CACNA2D3: variants seen among roughly 807,000 people sequenced by gnomAD.
CACNA2D3 encodes the protein calcium voltage-gated channel auxiliary subunit alpha2delta 3, also known as voltage-dependent calcium channel subunit alpha-2/delta-3.
Under a neutral mutation model 160.6 loss-of-function variants are expected in CACNA2D3, and 60 were observed. The ratio of observed to expected loss-of-function variants is 0.37; its 90% CI spans 0.30 to 0.46. CACNA2D3 has a LOEUF of 0.46. CACNA2D3 is among the 20% of genes least tolerant of loss of function. The probability of loss-of-function intolerance (pLI) is 1.00; values close to 1 mark genes in which losing one functional copy is unlikely to be tolerated. For synonymous variants in CACNA2D3, 558 were observed against 492.9 expected, an observed-to-expected ratio of 1.13 and a Z score of -1.75; for missense variants, 1,205 against 1,365.0, an observed-to-expected ratio of 0.88 and a Z score of 1.85.
intron 9 of CACNA2D3, among the ~76,000 whole-genome samples, chr3:54,591,008 T>C (rs1459318574): frequency 6.6e-6 from 1 of 151,286 alleles, no homozygotes; most frequent in Non-Finnish European, 1.5e-5. Context: ...GACAAAGCAT[T>C]TTTTTTATTA....
At chr3:54,971,805 C>G (rs910560004) in intron 29 of CACNA2D3, among the ~76,000 whole-genome samples, 3 of 152,144 alleles carry the variant, frequency 2.0e-5, no homozygotes, top group African/African-American at 7.2e-5. Context: ...AGCTTCAAGT[C>G]GTGACTCTGA....
chr3:54,634,090 C>CT (rs1323707316), intron 10 of CACNA2D3, among the ~76,000 whole-genome samples: 3 of 152,204 alleles, frequency 2.0e-5, no homozygotes, highest in African/African-American at 7.2e-5. Context: ...CATCAGATGT[C>CT]TAAGTGCCTG....
At chr3:54,304,510 T>TA (rs1306559941) in intron 2 of CACNA2D3, among the ~76,000 whole-genome samples, 2 of 152,166 alleles carry the variant, frequency 1.3e-5, no homozygotes, top group East Asian at 1.9e-4. Flanking sequence ...ATCTTACATT[T>TA]AAAAAAAGAT....
Position 54,939,768 on chromosome 3 carries a change from T to C in CACNA2D3, c.2450-28682T>C, listed in dbSNP as rs150272149. 4.1e-3 allele frequency among the ~76,000 whole-genome samples: 625 copies of C among 152,320 alleles called. 3 individuals are homozygous for C. Among genetic ancestry groups the C allele is most frequent in the African/African-American group, 0.014 (589 of 41,574 alleles). On this transcript the variant is annotated intron_variant, in intron 27 of 37. Transcript: ENST00000474759. ...GAAGGAGGGAACTCCCTTTGATCTA[T>C]AGACCAGTAGCGGGAGAAGCATGGC... is the stretch of plus-strand genomic sequence containing the variant.
At chr3:55,001,736 G>T (rs764875076) in intron 31 of CACNA2D3, among the ~76,000 whole-genome samples, 1 of 152,278 alleles carries the variant, frequency 6.6e-6, no homozygotes, top group East Asian at 1.9e-4. Flanking sequence ...TCTTAACAAC[G>T]TTGGCACACT....
chr3:54,484,054 G>A (rs1700975765), intron 4 of CACNA2D3, among the ~76,000 whole-genome samples: 1 of 152,150 alleles, frequency 6.6e-6, no homozygotes, highest in Non-Finnish European at 1.5e-5. Flanking sequence ...ATCATGTTGT[G>A]CTGCAGTTTC....
At chr3:54,467,476 C>G (rs1372228827) in intron 4 of CACNA2D3, among the ~76,000 whole-genome samples, 1 of 152,220 alleles carries the variant, frequency 6.6e-6, no homozygotes, top group Non-Finnish European at 1.5e-5. Flanking sequence ...TTGATTGAGA[C>G]TTGGGCAAGC....
At chr3:54,632,516 CA>C (rs1445715594) in intron 10 of CACNA2D3, 1 of 152,170 alleles carries the variant, frequency 6.6e-6, no homozygotes, top group African/African-American at 2.4e-5. Flanking sequence ...TTGAGAAGAC[CA>C]GGGTACAAGG....
At chr3:55,031,696 G>A (rs956707393) in intron 35 of CACNA2D3, among the ~76,000 whole-genome samples, 11 of 152,066 alleles carry the variant, frequency 7.2e-5, no homozygotes, top group South Asian at 2.1e-4. Flanking sequence ...TATGTTGTTC[G>A]TGCCTTGGAA....
intron 9 of CACNA2D3, among the ~76,000 whole-genome samples, chr3:54,613,779 A>G (rs1482081436): frequency 6.6e-6 from 1 of 152,024 alleles, no homozygotes; most frequent in Non-Finnish European, 1.5e-5. Flanking sequence ...ACTTTGTTAC[A>G]ATTATTTGTG....
Position 54,595,335 on chromosome 3 carries a change from T to G in CACNA2D3, c.963+13458T>G, listed in dbSNP as rs1401929561. Among the ~76,000 whole-genome samples the G allele has an allele frequency of 9.9e-5, 15 of 151,876 alleles. No individual in the cohort carries two copies. In the South Asian group the frequency reaches 1.0e-3, roughly 11 times the overall value. ...TGTGGTGTGTGTGTGTGTGTGTGTGTGTGTGTGTGTGTGTGTGTGTATGGT... is the reference window on the plus strand; with the variant it reads ...TGTGGTGTGTGTGTGTGTGTGTGTGGGTGTGTGTGTGTGTGTGTGTATGGT... On this transcript the variant is annotated intron_variant, in intron 9 of 37. Transcript: ENST00000474759.
chr3:54,924,481 G>A (rs142018419), intron 27 of CACNA2D3: 17 of 684,298 alleles, frequency 2.5e-5, no homozygotes, highest in Admixed American at 1.7e-4. Flanking sequence ...TTGCCATACC[G>A]TGAAATGGCA....
intron 5 of CACNA2D3, among the ~76,000 whole-genome samples, chr3:54,505,990 C>T (rs189308563): frequency 4.8e-4 from 73 of 152,288 alleles, no homozygotes; most frequent in Non-Finnish European, 9.0e-4. Context: ...GGGATCTGCC[C>T]ATCACCTCTG....
chr3:54,687,145 T>TTTTTG (rs1700477640), intron 11 of CACNA2D3, among the ~76,000 whole-genome samples: 2 of 74,606 alleles, frequency 2.7e-5, no homozygotes, highest in African/African-American at 6.2e-5. Flanking sequence ...GTTTTTTTTT[T>TTTTTG]TTTTTGTTTT....
chr3:54,987,380 CTCCA>C, intron 30 of CACNA2D3, among the ~76,000 whole-genome samples: 1 of 152,308 alleles, frequency 6.6e-6, no homozygotes, highest in Non-Finnish European at 1.5e-5. Context: ...TTACTACCTA[CTCCA>C]TCCAAGGGTA....
chr3:54,131,013 T>C (rs1699695226), intron 2 of CACNA2D3, among the ~76,000 whole-genome samples: 1 of 152,224 alleles, frequency 6.6e-6, no homozygotes, highest in South Asian at 2.1e-4. Flanking sequence ...GAAGGTTAAA[T>C]GAAATAAAAT....
chr3:54,642,068 T>C (rs1273129737), intron 10 of CACNA2D3, 60 bp from the exon 11 acceptor site: 1 of 1,108,374 alleles, frequency 9.0e-7, no homozygotes, highest in African/African-American at 1.6e-5. Flanking sequence ...TCTCTGATTT[T>C]TCACTGATAC....
At chr3:54,557,790 C>G (rs779973043) in intron 5 of CACNA2D3, among the ~76,000 whole-genome samples, 2 of 152,112 alleles carry the variant, frequency 1.3e-5, no homozygotes, top group Non-Finnish European at 2.9e-5. Flanking sequence ...ATAAAGTCCT[C>G]CTAAAATTAC....
chr3:54,725,041 G>T (rs1352741512), intron 11 of CACNA2D3, among the ~76,000 whole-genome samples: 2 of 152,064 alleles, frequency 1.3e-5, no homozygotes, highest in Non-Finnish European at 2.9e-5. Context: ...AGAAAAGAGA[G>T]AAGAATCAAA....
Sources: gnomAD v4.1 joint callset for allele counts (sites outside exome capture counted in the v4.1 genomes callset) on GRCh38, gnomAD v4.1.1 for gene constraint, MANE v1.5 for transcripts, NCBI Gene and HGNC (gene_info 2026-07-23, HGNC 2026-07-21) for gene names.